Variants in CCSER1 observed in about 807,000 individuals in gnomAD.
CCSER1 encodes serine-rich coiled-coil domain-containing protein 1.
A neutral mutation model predicts 82.0 loss-of-function variants in CCSER1; 41 were observed. The ratio of observed to expected loss-of-function variants is 0.50; its 90% CI spans 0.39 to 0.65. The LOEUF (loss-of-function observed/expected upper bound fraction) is 0.65. Among genes scored for constraint, CCSER1 ranks in the 30% least tolerant of loss-of-function variants. The pLI is 0.00. For missense variants in CCSER1, 1,119 were observed against 1,064.2 expected (o/e 1.05, Z -0.72); for synonymous variants, 414 against 383.9 (o/e 1.08, Z -0.92).
chr4:91,237,606 A>G (rs149558842), intron 10 of CCSER1, among the ~76,000 whole-genome samples: 134 of 152,214 alleles, frequency 8.8e-4, no homozygotes, highest in African/African-American at 2.8e-3. Flanking sequence ...ATTCGTCTCT[A>G]TTCTTATTTG....
intron 1 of CCSER1, among the ~76,000 whole-genome samples, chr4:90,184,107 G>T (rs1734184099): frequency 6.6e-6 from 1 of 152,070 alleles, no homozygotes; most frequent in Admixed American, 6.6e-5. Context: ...CTGTTAAATT[G>T]TGAATATATG....
chr4:90,812,395 C>G (rs1758469014), intron 7 of CCSER1, among the ~76,000 whole-genome samples: 1 of 152,106 alleles, frequency 6.6e-6, no homozygotes, highest in South Asian at 2.1e-4. Flanking sequence ...ATCACACCAG[C>G]ATAGAGTAGT....
At chr4:90,703,647 C>G (rs901140463) in intron 6 of CCSER1, among the ~76,000 whole-genome samples, 1 of 152,152 alleles carries the variant, frequency 6.6e-6, no homozygotes, top group African/African-American at 2.4e-5. Flanking sequence ...CTTTATGAAT[C>G]TGGGTGCTCC....
chr4:91,150,951 C>G (rs1190517693), intron 10 of CCSER1, among the ~76,000 whole-genome samples: 2 of 152,090 alleles, frequency 1.3e-5, no homozygotes, highest in African/African-American at 4.8e-5. Context: ...TGTGTCTCTG[C>G]CAGGCTTTGG....
chr4:90,670,855 G>T (rs915816618), intron 6 of CCSER1, among the ~76,000 whole-genome samples: 2 of 151,832 alleles, frequency 1.3e-5, no homozygotes, highest in African/African-American at 4.8e-5. Context: ...ATCTCTGGGG[G>T]CAAGAGTCAA....
chr4:90,804,629 A>G (rs547268721), intron 7 of CCSER1, among the ~76,000 whole-genome samples: 1 of 152,244 alleles, frequency 6.6e-6, no homozygotes, highest in South Asian at 2.1e-4. Flanking sequence ...TTTCAGCATA[A>G]TATTATTGTT....
intron 1 of CCSER1, among the ~76,000 whole-genome samples, chr4:90,271,840 ATATATATATATATATATATATAT>A (rs1275260005): frequency 0.017 from 342 of 20,558 alleles, 12 homozygotes; most frequent in African/African-American, 0.071. Flanking sequence ...ATATATATAT[ATATATATATATATATATATATAT>A]TTTTTTTTTT....
chr4:90,885,065 A>C, intron 8 of CCSER1, among the ~76,000 whole-genome samples: 1 of 152,326 alleles, frequency 6.6e-6, no homozygotes, highest in Middle Eastern at 3.4e-3. Flanking sequence ...ATTATAATAA[A>C]GAACTAAAGG....
chr4:91,342,798 C>T (rs1747803590), intron 10 of CCSER1, among the ~76,000 whole-genome samples: 1 of 151,964 alleles, frequency 6.6e-6, no homozygotes, highest in East Asian at 1.9e-4. Flanking sequence ...GTATACATTC[C>T]CTGGTCACTT....
At chr4:90,886,048 C>CTCCCTG (rs1012018327) in intron 8 of CCSER1, among the ~76,000 whole-genome samples, 2 of 152,128 alleles carry the variant, frequency 1.3e-5, no homozygotes, top group African/African-American at 4.8e-5. Flanking sequence ...GTGACCTCCA[C>CTCCCTG]TCCCTGAGGT....
At chr4:90,886,945 C>T (rs1336004213) in intron 8 of CCSER1, among the ~76,000 whole-genome samples, 1 of 152,156 alleles carries the variant, frequency 6.6e-6, no homozygotes, top group Non-Finnish European at 1.5e-5. Flanking sequence ...GTATTACACA[C>T]ATTGAAACTA....
intron 8 of CCSER1, chr4:90,839,109 A>T: frequency 9.3e-7 from 1 of 1,079,952 alleles, no homozygotes. Flanking sequence ...GCCACCACCG[A>T]GTTGTCGCCA....
At chr4:90,661,181 T>G (rs1227914582) in intron 6 of CCSER1, among the ~76,000 whole-genome samples, 1 of 152,220 alleles carries the variant, frequency 6.6e-6, no homozygotes, top group Non-Finnish European at 1.5e-5. Flanking sequence ...AAATTATAAC[T>G]TACCTACAGA....
chr4:91,383,426 T>C (rs1211048044), intron 10 of CCSER1, among the ~76,000 whole-genome samples: 1 of 152,156 alleles, frequency 6.6e-6, no homozygotes, highest in African/African-American at 2.4e-5. Flanking sequence ...TATGAGATGC[T>C]GCTTGTAACT....
intron 3 of CCSER1, among the ~76,000 whole-genome samples, chr4:90,399,480 G>C (rs1752498959): frequency 6.6e-6 from 1 of 151,976 alleles, no homozygotes; most frequent in Non-Finnish European, 1.5e-5. Context: ...ATATTTCACA[G>C]TTGTCACAAT....
chr4:91,127,283 T>A (rs1727602096), intron 10 of CCSER1, among the ~76,000 whole-genome samples: 1 of 151,890 alleles, frequency 6.6e-6, no homozygotes, highest in Admixed American at 6.6e-5. Context: ...GTGAAAAAAA[T>A]TGAGAGATCC....
chr4:91,379,813 T>C (rs1287686167), intron 10 of CCSER1, among the ~76,000 whole-genome samples: 2 of 152,206 alleles, frequency 1.3e-5, no homozygotes, highest in Non-Finnish European at 2.9e-5. Context: ...TTGCTCTTGC[T>C]TTCTAGTTCT....
intron 4 of CCSER1, among the ~76,000 whole-genome samples, chr4:90,422,420 C>A (rs2153561433): frequency 6.6e-6 from 1 of 152,204 alleles, no homozygotes; most frequent in East Asian, 1.9e-4. Flanking sequence ...TAGAGAGACC[C>A]TCATCTTTAC....
intron 9 of CCSER1, among the ~76,000 whole-genome samples, chr4:91,036,299 T>G (rs1741429590): frequency 6.6e-6 from 1 of 152,198 alleles, no homozygotes; most frequent in Non-Finnish European, 1.5e-5. Flanking sequence ...TAAGTAAGAT[T>G]GTTTCAAAAT....
Sources: gnomAD v4.1 joint callset for allele counts (sites outside exome capture counted in the v4.1 genomes callset) on GRCh38, gnomAD v4.1.1 for gene constraint, MANE v1.5 for transcripts, NCBI Gene and HGNC (gene_info 2026-07-23, HGNC 2026-07-21) for gene names.